The following AUTS2 variants were observed in gnomAD, a reference collection of about 807,000 sequenced individuals.
The protein encoded by AUTS2 is autism susceptibility gene 2 protein.
In AUTS2, 17 loss-of-function variants were observed where a neutral mutation model predicts 112.4. The observed-to-expected ratio is 0.15, with a 90% CI of 0.10 to 0.23. AUTS2 has a LOEUF of 0.23. AUTS2 is among the 10% of genes least tolerant of loss of function. The probability of loss-of-function intolerance (pLI) is 1.00; values close to 1 mark genes in which losing one functional copy is unlikely to be tolerated. For synonymous variants in AUTS2, 751 were observed against 702.7 expected, an observed-to-expected ratio of 1.07 and a Z score of -1.09; for missense variants, 1,510 against 1,701.6, an observed-to-expected ratio of 0.89 and a Z score of 1.98.
At chr7:70,475,261 G>A (rs527829411) in intron 5 of AUTS2, among the ~76,000 whole-genome samples, 1 of 152,204 alleles carries the variant, frequency 6.6e-6, no homozygotes, top group African/African-American at 2.4e-5. Context: ...AACTGGTTTA[G>A]TAAAGATCTT....
At chr7:70,178,151 AATT>A (rs1438273865) in intron 4 of AUTS2, among the ~76,000 whole-genome samples, 1 of 151,970 alleles carries the variant, frequency 6.6e-6, no homozygotes. Flanking sequence ...CCTGGAAATT[AATT>A]TTGCTTTGAG....
At chr7:69,660,891 G>A (rs1446596695) in intron 1 of AUTS2, among the ~76,000 whole-genome samples, 1 of 152,200 alleles carries the variant, frequency 6.6e-6, no homozygotes, top group Non-Finnish European at 1.5e-5. Flanking sequence ...CTGAGATCGC[G>A]CCACTGCACT....
chr7:70,393,333 A>C (rs2129834574), intron 4 of AUTS2, among the ~76,000 whole-genome samples: 1 of 152,248 alleles, frequency 6.6e-6, no homozygotes, highest in South Asian at 2.1e-4. Flanking sequence ...GCTGGCTGGG[A>C]AGAGAGGAAT....
At position 69,599,820 on chromosome 7, in the gene AUTS2, A is replaced by G. The variant is rs776816196; in HGVS notation, c.167A>G (p.Lys56Arg). The G allele has an allele frequency of 8.7e-5, 140 of 1,608,232 alleles. No individual in the cohort carries two copies. Among genetic ancestry groups the G allele is most frequent in the Non-Finnish European group, 1.2e-4 (139 of 1,177,806 alleles). Residue 56 changes from lysine (K) to arginine (R), a missense_variant, in exon 1 of 19, where the codon AAG (lysine) becomes AGG (arginine). Transcript: ENST00000342771. The surrounding 1 kb of genome is among the most constrained non-coding windows in gnomAD (Gnocchi z 7.0). ...CTCGCCTCGTCGTCGGGCTCCGACA[A>G]GGAAGACAATGGGAAGCCCCCGTCC... ...LSLASSSGSD[K>R]EDNGKPPSSA...
In AUTS2 at chr7:70,750,330, C is replaced by CTTTT. The variant is rs201667797; in HGVS notation, c.743-12531_743-12528dup. ...AGGATAAACTCGACAGATGGAAAGTCTTTTTTTTTTTTAAACAGGGTCTCA... is the reference window on the plus strand; with the variant it reads ...AGGATAAACTCGACAGATGGAAAGTCTTTTTTTTTTTTTTTTAAACAGGGTCTCA... On this transcript the variant is annotated intron_variant, in intron 6 of 18. Transcript: ENST00000342771. 2.4e-3 allele frequency among the ~76,000 whole-genome samples: 337 copies of CTTTT among 143,320 alleles called. 4 individuals carry two copies. The highest frequency in any genetic ancestry group is 8.2e-3 in the African/African-American group (315 of 38,608). The allele number at this position is 143,320 out of a possible 152,430, so 94.0% of individuals were successfully genotyped here.
At chr7:70,555,775 T>G (rs1408427338) in intron 5 of AUTS2, among the ~76,000 whole-genome samples, 1 of 151,712 alleles carries the variant, frequency 6.6e-6, no homozygotes, top group South Asian at 2.1e-4. Flanking sequence ...GGCACTGGTA[T>G]CTGCTTGGCT....
rs114643276 is a variant in AUTS2, at chr7:70,235,636, T to G, written c.660+101065T>G. On this transcript the variant is annotated intron_variant, in intron 4 of 18. Transcript: ENST00000342771. ...AGGATACCTATCTTCCACCCCTGTG[T>G]TTTTCTTTTTTCTTTTCTTTTCTTT... 3.0e-3 allele frequency among the ~76,000 whole-genome samples: 450 copies of G among 152,104 alleles called. 1 individual carries two copies. The highest frequency in any genetic ancestry group is 0.01 in the African/African-American group (435 of 41,504).
intron 5 of AUTS2, among the ~76,000 whole-genome samples, chr7:70,505,022 A>G (rs1563001121): frequency 6.6e-6 from 1 of 152,252 alleles, no homozygotes; most frequent in African/African-American, 2.4e-5. Flanking sequence ...CTAAGCAATC[A>G]GAGATTTCAA....
chr7:70,147,463 G>A (rs1441103604), intron 4 of AUTS2, among the ~76,000 whole-genome samples: 1 of 152,006 alleles, frequency 6.6e-6, no homozygotes, highest in Non-Finnish European at 1.5e-5. Flanking sequence ...GTTAGAGAAT[G>A]TTTATTTTGC....
At chr7:69,977,436 A>G (rs1462376334) in intron 2 of AUTS2, among the ~76,000 whole-genome samples, 1 of 152,198 alleles carries the variant, frequency 6.6e-6, no homozygotes, top group Non-Finnish European at 1.5e-5. Flanking sequence ...TTGAGATTAC[A>G]TATGAATTTT....
intron 5 of AUTS2, among the ~76,000 whole-genome samples, chr7:70,640,646 T>C (rs1197787580): frequency 6.6e-6 from 1 of 152,042 alleles, no homozygotes; most frequent in African/African-American, 2.4e-5. Context: ...ATACCAGTGG[T>C]GCTTGTGGGC....
chr7:69,917,881 C>T (rs372747822), intron 2 of AUTS2, among the ~76,000 whole-genome samples: 3 of 151,854 alleles, frequency 2.0e-5, no homozygotes, highest in African/African-American at 4.8e-5. Flanking sequence ...CTCGCTCTGT[C>T]GCCCAGGCTG....
chr7:70,576,795 A>AT (rs1417724185), intron 5 of AUTS2, among the ~76,000 whole-genome samples: 1 of 152,150 alleles, frequency 6.6e-6, no homozygotes. Context: ...AGGATAAAGG[A>AT]TTTTGTTTGA....
At chr7:69,776,278 A>G (rs1025457863) in intron 1 of AUTS2, among the ~76,000 whole-genome samples, 11 of 152,180 alleles carry the variant, frequency 7.2e-5, no homozygotes, top group Non-Finnish European at 1.3e-4. Context: ...TACATCCTAT[A>G]TGGACTGTGC....
chr7:70,113,009 G>T (rs1446641222), intron 2 of AUTS2, among the ~76,000 whole-genome samples: 2 of 151,874 alleles, frequency 1.3e-5, no homozygotes, highest in East Asian at 3.8e-4. Flanking sequence ...TTTTACTAAT[G>T]GTTAGCTTCA....
chr7:70,242,420 C>T (rs1584922307), intron 4 of AUTS2, among the ~76,000 whole-genome samples: 1 of 152,166 alleles, frequency 6.6e-6, no homozygotes, highest in East Asian at 1.9e-4. Flanking sequence ...CCATACTTCC[C>T]CTGCTCTTTC....
At chr7:69,716,648 G>C (rs1420170107) in intron 1 of AUTS2, among the ~76,000 whole-genome samples, 6 of 152,032 alleles carry the variant, frequency 3.9e-5, no homozygotes, top group Admixed American at 1.3e-4. Context: ...TCTACCTGGA[G>C]ATAGTATCAG....
intron 4 of AUTS2, among the ~76,000 whole-genome samples, chr7:70,360,829 G>GC (rs1440970560): frequency 1.3e-5 from 2 of 152,114 alleles, no homozygotes; most frequent in Admixed American, 6.6e-5. Flanking sequence ...CTACCCAGAG[G>GC]CCTCTAAGCT....
At chr7:70,617,888 A>G (rs1804461855) in intron 5 of AUTS2, among the ~76,000 whole-genome samples, 1 of 152,174 alleles carries the variant, frequency 6.6e-6, no homozygotes, top group African/African-American at 2.4e-5. Flanking sequence ...AACCATTTAC[A>G]CACAACAGAA....
Sources: gnomAD v4.1 joint callset for allele counts (sites outside exome capture counted in the v4.1 genomes callset) on GRCh38, gnomAD v4.1.1 for gene constraint, Gnocchi (gnomAD v3.1) non-coding constraint, MANE v1.5 for transcripts, NCBI Gene and HGNC (gene_info 2026-07-23, HGNC 2026-07-21) for gene names.